The following CRISPLD1 variants were observed in gnomAD, a reference collection of about 807,000 sequenced individuals.
CRISPLD1 encodes the protein cysteine rich secretory protein LCCL domain containing 1.
A neutral mutation model predicts 77.5 loss-of-function variants in CRISPLD1; 60 were observed. The observed-to-expected ratio is 0.77, with a 90% CI of 0.63 to 0.96. The LOEUF (loss-of-function observed/expected upper bound fraction) is 0.96, where lower values mean the gene tolerates loss of function less well. Among genes scored for constraint, CRISPLD1 ranks in the 40% least tolerant of loss-of-function variants. The pLI is 0.00. For missense variants in CRISPLD1, 623 were observed against 615.8 expected, an observed-to-expected ratio of 1.01 and a Z score of -0.12; for synonymous variants, 195 against 200.1, an observed-to-expected ratio of 0.97 and a Z score of 0.22.
intron 5 of CRISPLD1, 110 bp downstream of exon 5, chr8:75,014,212 A>G: frequency 1.4e-6 from 1 of 698,148 alleles, no homozygotes. Flanking sequence ...GAAGTGTATT[A>G]TTTTAATTCT....
intron 4 of CRISPLD1, among the ~76,000 whole-genome samples, chr8:75,013,489 C>T (rs1469156719): frequency 1.3e-5 from 2 of 152,036 alleles, no homozygotes; most frequent in Non-Finnish European, 2.9e-5. Context: ...GACTTATTAT[C>T]AGTGAATATA....
chr8:75,030,261 C>T (rs1170422963), intron 14 of CRISPLD1, among the ~76,000 whole-genome samples: 2 of 152,182 alleles, frequency 1.3e-5, no homozygotes, highest in South Asian at 4.2e-4. Context: ...ATGTGTCATA[C>T]GGGGTATCTA....
rs912085929 is a variant in CRISPLD1 at position 74,985,906 on chromosome 8, C to T, written c.-62-20C>T. On this transcript the variant is annotated intron_variant, in intron 1 of 14. Transcript: ENST00000262207. Reference sequence around the variant, plus strand: ...TATCTGCTGGAATTTTCATCTTAATCACATGACATGTCGTTATAGCCAAAA... The same window carrying T: ...TATCTGCTGGAATTTTCATCTTAATTACATGACATGTCGTTATAGCCAAAA... The T allele has an allele frequency of 2.1e-6, 3 of 1,434,616 alleles. No individual in the cohort carries two copies. Among genetic ancestry groups the T allele is most frequent in the African/African-American group, 2.9e-5 (2 of 70,110 alleles). 88.9% of individuals were successfully genotyped at this position (1,434,616 alleles called of 1,614,324 possible).
At chr8:74,988,849 A>C (rs1048595861) in intron 2 of CRISPLD1, among the ~76,000 whole-genome samples, 1 of 152,174 alleles carries the variant, frequency 6.6e-6, no homozygotes, top group Non-Finnish European at 1.5e-5. Context: ...AACAAAAAAA[A>C]CTTGAGTCTG....
Position 75,017,104 on chromosome 8 carries a change from T to C in CRISPLD1, c.987T>C (p.His329=), listed in dbSNP as rs940228959. 3.7e-6 allele frequency: 6 copies of C among 1,610,610 alleles called. No homozygotes were observed. The African/African-American group carries it at 6.7e-5, about 18-fold the overall frequency. Residue 329 remains histidine, a synonymous_variant, in exon 9 of 15, where the codon CAT becomes CAC. Coordinates refer to ENST00000262207, the MANE Select transcript of CRISPLD1 (RefSeq NM_031461.6). ...DSKAKVIGSV[H]YEMQSSICRA... ...AAGCTAAAGTTATTGGCAGTGTACA[T>C]TATGAAATGGTAAGTGTTATAAATG...
intron 12 of CRISPLD1, among the ~76,000 whole-genome samples, chr8:75,024,931 C>T (rs1300030587): frequency 1.3e-5 from 2 of 151,962 alleles, no homozygotes; most frequent in Admixed American, 1.3e-4. Context: ...CAATGGGAAG[C>T]CTACGGAAAG....
At position 74,996,806 on chromosome 8, in the gene CRISPLD1, AT is replaced by A. The variant is rs1812652858; in HGVS notation, c.258+10564del. Among the ~76,000 whole-genome samples the A allele has an allele frequency of 2.1e-5, 3 of 144,878 alleles. 1 individual carries two copies. The South Asian group carries it at 6.5e-4, about 32-fold the overall frequency. On this transcript the variant is annotated intron_variant, in intron 2 of 14. Coordinates refer to ENST00000262207, the MANE Select transcript of CRISPLD1 (RefSeq NM_031461.6). The stretch of plus-strand genomic sequence containing the variant: ...CAATGATGGCTCACTGCAGCATCAA[AT>A]TTCTGGGCCCAAGCAATCCTCCACC...
chr8:75,031,565 CTCTGTGTGTGTGTGTG>C (rs751696328), intron 14 of CRISPLD1, among the ~76,000 whole-genome samples: 2,027 of 87,558 alleles, frequency 0.023, 18 homozygotes, highest in Middle Eastern at 0.049. Flanking sequence ...AGATTGAATG[CTCTGTGTGTGTGTGTG>C]TGTGTGTGTG....
At chr8:75,005,506 AAAG>A (rs1389791255) in intron 2 of CRISPLD1, among the ~76,000 whole-genome samples, 7 of 152,094 alleles carry the variant, frequency 4.6e-5, no homozygotes, top group African/African-American at 9.7e-5. Flanking sequence ...CTGTATAATA[AAAG>A]AAGAAGAAAA....
In CRISPLD1 at chr8:75,032,996, T is replaced by G. The variant is rs1468241034; in HGVS notation, c.*754T>G. ...AAAATTGAGGTCACATATTTTCTTTTGTATCCTGGCAAATACTCCTGCAGG... is the reference window on the plus strand; with the variant it reads ...AAAATTGAGGTCACATATTTTCTTTGGTATCCTGGCAAATACTCCTGCAGG... On this transcript the variant is annotated 3_prime_UTR_variant, in exon 15 of 15. Transcript: ENST00000262207. 2 of 152,054 alleles carry G rather than the reference T, an allele frequency of 1.3e-5. No homozygotes were observed. The highest frequency in any genetic ancestry group is 2.4e-5 in the African/African-American group (1 of 41,436). The allele number at this position is 152,054 out of a possible 1,614,324, so 9.4% of individuals were successfully genotyped here.
intron 13 of CRISPLD1, 95 bp downstream of exon 13, chr8:75,025,716 C>A (rs77983068): frequency 1.2e-5 from 6 of 492,432 alleles, no homozygotes; most frequent in Admixed American, 3.0e-5. Context: ...ATATACAGAG[C>A]GAAGAAACAG....
At chr8:75,028,959 A>C (rs1325181843) in intron 13 of CRISPLD1, among the ~76,000 whole-genome samples, 1 of 152,206 alleles carries the variant, frequency 6.6e-6, no homozygotes, top group Non-Finnish European at 1.5e-5. Context: ...AAAAGTGAAC[A>C]TACATGAGGG....
intron 13 of CRISPLD1, 35 bp downstream of exon 13, chr8:75,025,656 A>C (rs1338181780): frequency 9.6e-7 from 1 of 1,044,662 alleles, no homozygotes; most frequent in East Asian, 2.4e-5. Flanking sequence ...GTCAACATTC[A>C]TGTATATATA....
At chr8:75,030,271 A>C (rs1013773811) in intron 14 of CRISPLD1, among the ~76,000 whole-genome samples, 1 of 152,166 alleles carries the variant, frequency 6.6e-6, no homozygotes, top group Non-Finnish European at 1.5e-5. Flanking sequence ...CGGGGTATCT[A>C]GATTACCTTC....
intron 2 of CRISPLD1, among the ~76,000 whole-genome samples, chr8:74,997,116 T>G (rs1812658642): frequency 1.3e-5 from 2 of 152,348 alleles, no homozygotes; most frequent in South Asian, 4.1e-4. Flanking sequence ...TGACTTGCTC[T>G]TATTTCCAGT....
At position 75,029,341 on chromosome 8, in the gene CRISPLD1, C is replaced by A. The variant is rs772564920; in HGVS notation, c.1321-46C>A. On this transcript the variant is annotated intron_variant, in intron 13 of 14. Coordinates refer to ENST00000262207, the MANE Select transcript of CRISPLD1 (RefSeq NM_031461.6). ...AATAGAAGAATAGGCTGGACAAGTC[C>A]AGCAGGAATTTCCAATAATGGCAGT... 1.2e-5 allele frequency: 19 copies of A among 1,587,816 alleles called. No homozygotes were observed. In the Middle Eastern group the frequency reaches 5.1e-4, roughly 42 times the overall value.
At chr8:75,012,587 T>G (rs1812951969) in intron 3 of CRISPLD1, 36 bp downstream of exon 3, 3 of 1,348,020 alleles carry the variant, frequency 2.2e-6, no homozygotes, top group Middle Eastern at 1.8e-4. Context: ...TATGAAAAAA[T>G]AAGTGTTTAA....
At chr8:74,991,119 A>G (rs1434417080) in intron 2 of CRISPLD1, among the ~76,000 whole-genome samples, 2 of 152,002 alleles carry the variant, frequency 1.3e-5, no homozygotes, top group Non-Finnish European at 2.9e-5. Flanking sequence ...TAGCCTCCCA[A>G]GTACCTAAGA....
At chr8:75,001,280 A>G (rs1197241428) in intron 2 of CRISPLD1, among the ~76,000 whole-genome samples, 2 of 152,180 alleles carry the variant, frequency 1.3e-5, no homozygotes, top group African/African-American at 4.8e-5. Context: ...TCATTCTTTA[A>G]TAAACATGAC....
Sources: gnomAD v4.1 joint callset for allele counts (sites outside exome capture counted in the v4.1 genomes callset) on GRCh38, gnomAD v4.1.1 for gene constraint, MANE v1.5 for transcripts, NCBI Gene and HGNC (gene_info 2026-07-23, HGNC 2026-07-21) for gene names.